The following PRKCZ variants were observed in gnomAD, a reference collection of about 807,000 sequenced individuals.
The protein encoded by PRKCZ is protein kinase C zeta type.
In PRKCZ, 33 loss-of-function variants were observed where a neutral mutation model predicts 79.5. The observed-to-expected ratio is 0.41, with a 90% CI of 0.31 to 0.55. The LOEUF is 0.55. PRKCZ is among the 20% of genes least tolerant of loss of function. The pLI, the probability that PRKCZ is intolerant of heterozygous loss-of-function variation, is 0.19. For missense variants in PRKCZ, 578 were observed against 813.5 expected (o/e 0.71, Z 3.52); for synonymous variants, 342 against 320.9 (o/e 1.07, Z -0.70).
chr1:2,163,465 C>T (rs899683614), intron 10 of PRKCZ, among the ~76,000 whole-genome samples: 1 of 152,246 alleles, frequency 6.6e-6, no homozygotes, highest in Admixed American at 6.5e-5. Flanking sequence ...TCTCAGCCCC[C>T]AGCCACTGGG....
intron 4 of PRKCZ, among the ~76,000 whole-genome samples, chr1:2,069,512 C>T (rs571900905): frequency 2.0e-5 from 3 of 152,146 alleles, no homozygotes; most frequent in Admixed American, 6.5e-5. Context: ...TAAATAAAAT[C>T]GTGTGTAAAA....
intron 4 of PRKCZ, 105 bp downstream of exon 4, chr1:2,059,696 T>C: frequency 2.1e-6 from 3 of 1,444,562 alleles, no homozygotes; most frequent in Non-Finnish European, 2.9e-6. Flanking sequence ...AGGTTCACCC[T>C]CGTGGAGCGT....
chr1:2,054,782 G>A (rs1034541221), intron 1 of PRKCZ, among the ~76,000 whole-genome samples: 9 of 152,020 alleles, frequency 5.9e-5, no homozygotes, highest in Non-Finnish European at 1.0e-4. Flanking sequence ...CGCCCATCCC[G>A]GGGTCACCCA....
intron 4 of PRKCZ, among the ~76,000 whole-genome samples, chr1:2,114,843 C>G (rs1224892357): frequency 2.0e-5 from 3 of 152,158 alleles, no homozygotes; most frequent in African/African-American, 7.2e-5. Context: ...TGGGTTTCAG[C>G]TTTTCTTATG....
chr1:2,103,076 C>T (rs1315201701), intron 4 of PRKCZ, among the ~76,000 whole-genome samples: 1 of 152,160 alleles, frequency 6.6e-6, no homozygotes, highest in Non-Finnish European at 1.5e-5. Flanking sequence ...TGATTTGTTA[C>T]CCAGGCTGGT....
chr1:2,169,371 C>G (rs1378927367), intron 10 of PRKCZ, 147 bp from the exon 11 acceptor site: 6 of 731,210 alleles, frequency 8.2e-6, no homozygotes, highest in Non-Finnish European at 1.5e-5. Flanking sequence ...TCTCTGCTGC[C>G]AGGGTGCTCC....
intron 4 of PRKCZ, among the ~76,000 whole-genome samples, chr1:2,124,637 C>T (rs971089613): frequency 1.3e-5 from 2 of 152,096 alleles, no homozygotes; most frequent in Non-Finnish European, 2.9e-5. Context: ...CTTAAGCCGC[C>T]CAGTCTGTGG....
chr1:2,080,721 C>T (rs1663338635), intron 4 of PRKCZ, among the ~76,000 whole-genome samples: 1 of 152,186 alleles, frequency 6.6e-6, no homozygotes, highest in African/African-American at 2.4e-5. Flanking sequence ...GCCTCAGTCT[C>T]CCCTCCTGCC....
At chr1:2,101,706 C>T (rs1395939410) in intron 4 of PRKCZ, among the ~76,000 whole-genome samples, 1 of 152,098 alleles carries the variant, frequency 6.6e-6, no homozygotes, top group Non-Finnish European at 1.5e-5. Context: ...GACATGAGCC[C>T]GTGCATCCTG....
intron 5 of PRKCZ, among the ~76,000 whole-genome samples, chr1:2,140,822 G>T (rs1478219452): frequency 1.3e-5 from 2 of 152,182 alleles, no homozygotes; most frequent in Non-Finnish European, 2.9e-5. Flanking sequence ...TAAAAAATCA[G>T]CCGGACGTGG....
At chr1:2,129,565 G>A (rs1195739649) in intron 4 of PRKCZ, among the ~76,000 whole-genome samples, 1 of 152,212 alleles carries the variant, frequency 6.6e-6, no homozygotes, top group African/African-American at 2.4e-5. Flanking sequence ...TATCGCTTAA[G>A]GTAGCCATGG....
chr1:2,148,639 G>A (rs1679217308), intron 7 of PRKCZ, among the ~76,000 whole-genome samples: 1 of 152,210 alleles, frequency 6.6e-6, no homozygotes, highest in Non-Finnish European at 1.5e-5. Context: ...GGACCCCTGG[G>A]GACGTATGTC....
At chr1:2,164,566 C>T (rs1273035409) in intron 10 of PRKCZ, among the ~76,000 whole-genome samples, 1 of 152,172 alleles carries the variant, frequency 6.6e-6, no homozygotes, top group Non-Finnish European at 1.5e-5. Context: ...AGGGCGACAG[C>T]CCTGCTTCTG....
At chr1:2,133,410 G>A (rs571544759) in intron 4 of PRKCZ, among the ~76,000 whole-genome samples, 1 of 144,814 alleles carries the variant, frequency 6.9e-6, no homozygotes, top group Non-Finnish European at 1.5e-5. Flanking sequence ...CCCCAGCTGC[G>A]CGTCCGTTCC....
intron 4 of PRKCZ, among the ~76,000 whole-genome samples, chr1:2,126,239 T>TAATA (rs1673863612): frequency 6.6e-6 from 1 of 152,182 alleles, no homozygotes; most frequent in South Asian, 2.1e-4. Flanking sequence ...CTCTGTTTTA[T>TAATA]AGACTTTTTA....
chr1:2,055,673 G>A lies in PRKCZ; in HGVS notation c.193+111G>A. 5 of 1,438,040 alleles carry A rather than the reference G, an allele frequency of 3.5e-6. No individual in the cohort carries two copies. In the South Asian group the frequency reaches 7.5e-5, roughly 21 times the overall value. 89.1% of individuals were successfully genotyped at this position (1,438,040 alleles called of 1,614,324 possible). On this transcript the variant is annotated intron_variant, in intron 2 of 17. Transcript: ENST00000378567. Reference sequence around the variant, plus strand: ...ATTCTGTGGGGAGACTTAAAGCTGTGGAATTAAACTTGTTGGCGCCAACTT... The same window carrying A: ...ATTCTGTGGGGAGACTTAAAGCTGTAGAATTAAACTTGTTGGCGCCAACTT...
rs1363849695 is a variant in PRKCZ, at chr1:2,174,574, G to A, written c.1406-180G>A. 6.6e-6 allele frequency among the ~76,000 whole-genome samples: 1 copy of A among 152,264 alleles called. No homozygotes were observed. The highest frequency in any genetic ancestry group is 1.5e-5 in the Non-Finnish European group (1 of 68,048). On this transcript the variant is annotated intron_variant, in intron 14 of 17. Coordinates refer to ENST00000378567, the MANE Select transcript of PRKCZ (RefSeq NM_002744.6). This position sits in a 1 kb window ranked among gnomAD's most constrained non-coding sequence, Gnocchi z 6.2. ...GACACGTGCCAGCGCATGTAACCAG[G>A]AGGCCCAGGGAGGACCCGGCGGGAC...
intron 4 of PRKCZ, among the ~76,000 whole-genome samples, chr1:2,122,697 T>C (rs1250947496): frequency 5.8e-4 from 3 of 5,134 alleles, no homozygotes; most frequent in African/African-American, 1.7e-3. Flanking sequence ...TGGTTAGGGT[T>C]GTGGTGGTTA....
rs1401612364 is a variant in PRKCZ at position 2,075,798 on chromosome 1, C to T, written c.334+16207C>T. Among the ~76,000 whole-genome samples the T allele has an allele frequency of 6.6e-6, 1 of 152,208 alleles. No individual in the cohort carries two copies. The highest frequency in any genetic ancestry group is 1.5e-5 in the Non-Finnish European group (1 of 68,044). ...TCCACGGGGTCTGGTGGGGACCTGC[C>T]AGGGCTGTCAATGGCCCCAGTGGAG... On this transcript the variant is annotated intron_variant, in intron 4 of 17. Transcript: ENST00000378567. This position sits in a 1 kb window ranked among gnomAD's most constrained non-coding sequence, Gnocchi z 4.8.
Sources: gnomAD v4.1 joint callset for allele counts (sites outside exome capture counted in the v4.1 genomes callset) on GRCh38, gnomAD v4.1.1 for gene constraint, Gnocchi (gnomAD v3.1) non-coding constraint, MANE v1.5 for transcripts, NCBI Gene and HGNC (gene_info 2026-07-23, HGNC 2026-07-21) for gene names.